Variants in TBC1D15 observed in about 807,000 individuals in gnomAD.
TBC1D15 encodes TBC1 domain family member 15.
In TBC1D15, 39 loss-of-function variants were observed where a neutral mutation model predicts 95.4. That is an observed-to-expected ratio of 0.41 (90% CI 0.32 to 0.53). The LOEUF (loss-of-function observed/expected upper bound fraction) is 0.53. TBC1D15 is among the 20% of genes least tolerant of loss of function. The pLI is 0.29. For synonymous variants in TBC1D15, 258 were observed against 261.3 expected (o/e 0.99, Z 0.12); for missense variants, 733 against 794.3 (o/e 0.92, Z 0.93).
intron 7 of TBC1D15, among the ~76,000 whole-genome samples, chr12:71,895,654 A>G (rs1490281916): frequency 6.6e-6 from 1 of 152,134 alleles, no homozygotes; most frequent in Non-Finnish European, 1.5e-5. Context: ...AATGTTCTAT[A>G]CTTACATAAT....
intron 3 of TBC1D15, among the ~76,000 whole-genome samples, chr12:71,879,131 CTCTCT>C (rs1215946614): frequency 6.7e-6 from 1 of 149,342 alleles, no homozygotes; most frequent in African/African-American, 2.5e-5. Context: ...GTCTCTCTCT[CTCTCT>C]TTTTTTTTTT....
At chr12:71,902,127 A>G (rs1196786439) in intron 10 of TBC1D15, among the ~76,000 whole-genome samples, 4 of 152,226 alleles carry the variant, frequency 2.6e-5, no homozygotes, top group East Asian at 3.8e-4. Context: ...CATACCATGG[A>G]TTGAAAGAAT....
At chr12:71,841,483 C>T (rs578124246) in intron 1 of TBC1D15, among the ~76,000 whole-genome samples, 1 of 152,172 alleles carries the variant, frequency 6.6e-6, no homozygotes, top group Admixed American at 6.5e-5. Flanking sequence ...TCATGACCAA[C>T]AAAACCCACT....
In TBC1D15 at chr12:71,924,111, T is replaced by TA. The variant is rs1870364253; in HGVS notation, c.*908dup. Reference sequence around the variant, plus strand: ...ATCAGGTGTTTAAATTTTTATAAAATACTCTTGCAAAAAGTTTATTTGAAA... The same window carrying TA: ...ATCAGGTGTTTAAATTTTTATAAAATAACTCTTGCAAAAAGTTTATTTGAAA... On this transcript the variant is annotated 3_prime_UTR_variant, in exon 17 of 17. Transcript: ENST00000485960. 6.6e-6 allele frequency: 1 copy of TA among 152,600 alleles called. No homozygotes were observed. Among genetic ancestry groups the TA allele is most frequent in the African/African-American group, 2.4e-5 (1 of 41,458 alleles). The allele number at this position is 152,600 out of a possible 1,614,324, so 9.5% of individuals were successfully genotyped here. A position where few individuals can be genotyped will look rare whatever the true frequency, so the allele number is the denominator to read the frequency against.
Position 71,885,869 on chromosome 12 carries a change from A to T in TBC1D15, c.554+848A>T, listed in dbSNP as rs192093063. Among the ~76,000 whole-genome samples, 4 of 152,310 alleles carry T rather than the reference A, an allele frequency of 2.6e-5. No homozygotes were observed. The East Asian group carries it at 7.7e-4, about 29-fold the overall frequency. The stretch of plus-strand genomic sequence containing the variant: ...GAAGGATGTTTTAGATGAAGGGAAG[A>T]GTACAAACATGATGTAATCACACAA... On this transcript the variant is annotated intron_variant, in intron 5 of 16. Coordinates refer to ENST00000485960, the MANE Select transcript of TBC1D15 (RefSeq NM_001146213.3).
chr12:71,884,494 A>C (rs931016178), intron 4 of TBC1D15, among the ~76,000 whole-genome samples: 5 of 152,202 alleles, frequency 3.3e-5, no homozygotes. Context: ...TCATTCAGTT[A>C]GTAAGATGGT....
chr12:71,887,653 G>T (rs1279365789), intron 5 of TBC1D15, among the ~76,000 whole-genome samples: 1 of 152,072 alleles, frequency 6.6e-6, no homozygotes, highest in Non-Finnish European at 1.5e-5. Context: ...CACTTCCTCA[G>T]AGGGGCTTAT....
intron 10 of TBC1D15, among the ~76,000 whole-genome samples, chr12:71,904,760 C>G (rs1256859227): frequency 6.6e-6 from 1 of 152,126 alleles, no homozygotes; most frequent in Non-Finnish European, 1.5e-5. Context: ...GTTTCATTTT[C>G]TCAGAAATAG....
chr12:71,916,486 A>G (rs186387479), intron 12 of TBC1D15, among the ~76,000 whole-genome samples: 85 of 152,244 alleles, frequency 5.6e-4, no homozygotes, highest in African/African-American at 2.0e-3. Context: ...CTATTAATAA[A>G]CTGGTTTTTA....
At chr12:71,871,567 G>GA (rs140332520) in intron 1 of TBC1D15, among the ~76,000 whole-genome samples, 3,020 of 151,112 alleles carry the variant, frequency 0.02, 49 homozygotes, top group Non-Finnish European at 0.032. Flanking sequence ...TAATGCTCAT[G>GA]AAAAAAAAAT....
intron 1 of TBC1D15, among the ~76,000 whole-genome samples, chr12:71,841,598 C>A (rs1885026851): frequency 6.6e-6 from 1 of 152,186 alleles, no homozygotes; most frequent in African/African-American, 2.4e-5. Flanking sequence ...ACTCTCTAAT[C>A]AATAACCATG....
At chr12:71,915,044 G>T (rs141406499) in intron 12 of TBC1D15, among the ~76,000 whole-genome samples, 7 of 151,830 alleles carry the variant, frequency 4.6e-5, no homozygotes, top group Admixed American at 1.3e-4. Flanking sequence ...ATTCAAATTG[G>T]TTTTTTGCCA....
chr12:71,905,688 CT>C (rs1900519488), intron 10 of TBC1D15, among the ~76,000 whole-genome samples: 1 of 152,010 alleles, frequency 6.6e-6, no homozygotes, highest in Admixed American at 6.6e-5. Context: ...ATTACTTTTG[CT>C]TATTTGAGAA....
chr12:71,913,076 C>G (rs994215055), intron 11 of TBC1D15, among the ~76,000 whole-genome samples: 8 of 151,956 alleles, frequency 5.3e-5, no homozygotes, highest in African/African-American at 1.7e-4. Context: ...TTCTTTTAAT[C>G]AAGGGCTCTA....
At chr12:71,897,711 G>A in intron 9 of TBC1D15, 136 bp from the exon 10 acceptor site, 1 of 578,304 alleles carries the variant, frequency 1.7e-6, no homozygotes, top group Non-Finnish European at 3.0e-6. Context: ...TAAACGTTTT[G>A]CTATTGTTTT....
intron 3 of TBC1D15, 99 bp from the exon 4 acceptor site, chr12:71,880,367 TGTC>T: frequency 2.2e-6 from 2 of 911,082 alleles, no homozygotes; most frequent in South Asian, 1.9e-5. Flanking sequence ...CCACCAGTGA[TGTC>T]GTCTGCAGCC....
intron 1 of TBC1D15, among the ~76,000 whole-genome samples, chr12:71,866,585 TC>T (rs1254894156): frequency 5.3e-5 from 8 of 152,312 alleles, no homozygotes; most frequent in African/African-American, 1.7e-4. Flanking sequence ...TTTCTGTTAT[TC>T]CTATGATGCA....
chr12:71,850,598 G>T (rs1004114465), intron 1 of TBC1D15, among the ~76,000 whole-genome samples: 1 of 151,794 alleles, frequency 6.6e-6, no homozygotes, highest in Non-Finnish European at 1.5e-5. Context: ...TTTTGTGGAC[G>T]TGGGGTCTAG....
At chr12:71,866,012 C>G (rs1282661463) in intron 1 of TBC1D15, among the ~76,000 whole-genome samples, 1 of 152,026 alleles carries the variant, frequency 6.6e-6, no homozygotes, top group Non-Finnish European at 1.5e-5. Context: ...GGCCAAAGTC[C>G]TGTTTTCCCA....
Sources: gnomAD v4.1 joint callset for allele counts (sites outside exome capture counted in the v4.1 genomes callset) on GRCh38, gnomAD v4.1.1 for gene constraint, MANE v1.5 for transcripts, NCBI Gene and HGNC (gene_info 2026-07-23, HGNC 2026-07-21) for gene names.